ELAVL2: variants seen among roughly 807,000 people sequenced by gnomAD.
The protein encoded by ELAVL2 is ELAV-like protein 2.
Under a neutral mutation model 34.6 loss-of-function variants are expected in ELAVL2, and 4 were observed. That is an observed-to-expected ratio of 0.12 (90% CI 0.06 to 0.26). ELAVL2 has a LOEUF of 0.26. ELAVL2 is among the 10% of genes least tolerant of loss of function. ELAVL2 has a pLI of 1.00. For synonymous variants in ELAVL2, 193 were observed against 154.8 expected, an observed-to-expected ratio of 1.25 and a Z score of -1.83; for missense variants, 432 against 442.8, an observed-to-expected ratio of 0.98 and a Z score of 0.22.
the ELAVL2 span, among the ~76,000 whole-genome samples, chr9:23,833,366 AT>A: frequency 4.0e-5 from 6 of 151,742 alleles, no homozygotes; most frequent in Admixed American, 2.0e-4. Context: ...TATGATTTTT[AT>A]TTTTTTCTTA....
chr9:23,737,575 C>A (rs1564178734), intron 2 of ELAVL2, among the ~76,000 whole-genome samples: 2 of 152,102 alleles, frequency 1.3e-5, no homozygotes, highest in Non-Finnish European at 2.9e-5. Context: ...TACTTTTTCA[C>A]TAATATAATT....
At chr9:23,839,274 G>T in the ELAVL2 span, among the ~76,000 whole-genome samples, 15 of 151,108 alleles carry the variant, frequency 9.9e-5, no homozygotes, top group Non-Finnish European at 1.8e-4. Flanking sequence ...TATGAATGAC[G>T]ACTGTTTTGA....
At chr9:23,806,597 C>T (rs1267648214) in intron 1 of ELAVL2, among the ~76,000 whole-genome samples, 1 of 151,898 alleles carries the variant, frequency 6.6e-6, no homozygotes, top group Non-Finnish European at 1.5e-5. Context: ...ATGATCATGC[C>T]ACTGCAGTGA....
At chr9:23,833,122 TGA>T in the ELAVL2 span, among the ~76,000 whole-genome samples, 1 of 151,936 alleles carries the variant, frequency 6.6e-6, no homozygotes, top group Admixed American at 6.6e-5. Context: ...TATCCTTTAA[TGA>T]GAGAGAAATT....
At chr9:23,703,251 TC>T (rs1394851858) in intron 4 of ELAVL2, among the ~76,000 whole-genome samples, 23 of 152,202 alleles carry the variant, frequency 1.5e-4, no homozygotes, top group African/African-American at 4.8e-4. Context: ...AAACCTACTC[TC>T]AATTCACAAG....
intron 3 of ELAVL2, among the ~76,000 whole-genome samples, chr9:23,708,712 G>A (rs993273504): frequency 2.0e-5 from 3 of 151,998 alleles, no homozygotes; most frequent in African/African-American, 7.3e-5. Flanking sequence ...GGTGATCTCG[G>A]CTCACTGTAA....
At chr9:23,757,545 C>T (rs1297154744) in intron 2 of ELAVL2, among the ~76,000 whole-genome samples, 1 of 151,570 alleles carries the variant, frequency 6.6e-6, no homozygotes, top group South Asian at 2.1e-4. Flanking sequence ...ATTACTCATT[C>T]CTTGCATCAT....
At chr9:23,789,302 A>G (rs1344596597) in intron 1 of ELAVL2, among the ~76,000 whole-genome samples, 1 of 152,172 alleles carries the variant, frequency 6.6e-6, no homozygotes, top group Admixed American at 6.5e-5. Context: ...CCTAAATGGT[A>G]AGGTGGAATG....
At chr9:23,805,717 G>A (rs1200940793) in intron 1 of ELAVL2, among the ~76,000 whole-genome samples, 7 of 152,208 alleles carry the variant, frequency 4.6e-5, no homozygotes. Context: ...GATACTCAGT[G>A]TAGAGCAGAA....
intron 2 of ELAVL2, among the ~76,000 whole-genome samples, chr9:23,753,844 T>A (rs1346166696): frequency 5.9e-5 from 9 of 152,262 alleles, no homozygotes; most frequent in South Asian, 2.1e-4. Flanking sequence ...AAGGGGCAAA[T>A]GTTACAAGAG....
rs375872998 is a variant in ELAVL2, at chr9:23,802,869, A to G, written c.-16+22937T>C. On this transcript the variant is annotated intron_variant, in intron 1 of 6. Transcript: ENST00000397312. ...AAAATATACATATTCCTCACTTTAAAAATATTTTTTAATATGTAATGGGTT... is the reference window on the plus strand; with the variant it reads ...AAAATATACATATTCCTCACTTTAAGAATATTTTTTAATATGTAATGGGTT... Among the ~76,000 whole-genome samples, 15 of 152,290 alleles carry G rather than the reference A, an allele frequency of 9.8e-5. No homozygotes were observed. The East Asian group carries it at 2.9e-3, about 29-fold the overall frequency.
intron 1 of ELAVL2, among the ~76,000 whole-genome samples, chr9:23,768,099 T>C (rs1049205443): frequency 2.6e-5 from 4 of 152,158 alleles, no homozygotes; most frequent in African/African-American, 4.8e-5. Flanking sequence ...TGTTCCCAGG[T>C]AGACTTTCTA....
chr9:23,755,235 A>C (rs1439003414), intron 2 of ELAVL2, among the ~76,000 whole-genome samples: 8 of 152,252 alleles, frequency 5.3e-5, no homozygotes, highest in Admixed American at 2.0e-4. Flanking sequence ...GTTTTTCCTA[A>C]CAATGATAAA....
intron 3 of ELAVL2, among the ~76,000 whole-genome samples, chr9:23,707,834 G>T (rs1206856062): frequency 6.6e-6 from 1 of 152,078 alleles, no homozygotes; most frequent in Non-Finnish European, 1.5e-5. Context: ...GAAAATTTAG[G>T]TAAATGCCCA....
chr9:23,712,015 A>C (rs963414358), intron 3 of ELAVL2, among the ~76,000 whole-genome samples: 1 of 152,184 alleles, frequency 6.6e-6, no homozygotes, highest in Non-Finnish European at 1.5e-5. Flanking sequence ...CATTTCTCAA[A>C]TTGGGGATTC....
intron 2 of ELAVL2, among the ~76,000 whole-genome samples, chr9:23,753,592 A>C (rs1476733339): frequency 6.6e-6 from 1 of 152,200 alleles, no homozygotes; most frequent in African/African-American, 2.4e-5. Context: ...TAAACTACAA[A>C]AAAAAGAAGC....
chr9:23,820,575 G>A (rs991230525), intron 1 of ELAVL2, among the ~76,000 whole-genome samples: 2 of 152,320 alleles, frequency 1.3e-5, no homozygotes, highest in South Asian at 2.1e-4. Context: ...CTCGCATCTA[G>A]AGGCATGGTT....
At chr9:23,831,904 A>G in the ELAVL2 span, among the ~76,000 whole-genome samples, 32,482 of 152,106 alleles carry the variant, frequency 0.21, 3,967 homozygotes, top group Non-Finnish European at 0.26. Flanking sequence ...GAAGTGGAAA[A>G]GGGACACAGC....
chr9:23,838,846 A>C, the ELAVL2 span, among the ~76,000 whole-genome samples: 5 of 152,300 alleles, frequency 3.3e-5, no homozygotes, highest in South Asian at 6.2e-4. Context: ...TTATAATGAG[A>C]TTGAACAAAA....
Sources: allele counts gnomAD v4.1 joint callset (sites outside exome capture counted in the v4.1 genomes callset), GRCh38; gene constraint gnomAD v4.1.1; transcripts MANE v1.5; gene names NCBI Gene and HGNC (gene_info 2026-07-23, HGNC 2026-07-21).